The following THOC2 variants were observed in gnomAD, a reference collection of about 807,000 sequenced individuals.
THOC2 encodes THO complex 2.
A neutral mutation model predicts 128.4 loss-of-function variants in THOC2; 10 were observed. That is an observed-to-expected ratio of 0.08 (90% CI 0.05 to 0.13). The LOEUF is 0.13. Ranked by LOEUF, THOC2 falls within the 10% of genes least tolerant of loss-of-function variation. The probability of loss-of-function intolerance (pLI) is 1.00; values close to 1 mark genes in which losing one functional copy is unlikely to be tolerated. For missense variants in THOC2, 535 were observed against 1,155.7 expected, an observed-to-expected ratio of 0.46 and a Z score of 7.79; for synonymous variants, 393 against 396.9, an observed-to-expected ratio of 0.99 and a Z score of 0.12.
intron 19 of THOC2, among the ~76,000 whole-genome samples, chrX:123,635,337 A>G (rs767466824): frequency 7.1e-5 from 8 of 111,946 alleles, no homozygotes; most frequent in Non-Finnish European, 1.5e-4. Context: ...ATAAAATCAT[A>G]AGTTTAAAGT....
intron 27 of THOC2, 26 bp from the exon 28 acceptor site, chrX:123,623,997 T>C: frequency 8.4e-7 from 1 of 1,184,151 alleles, no homozygotes; most frequent in Non-Finnish European, 1.1e-6. Flanking sequence ...TCAGATCCAT[T>C]ATTATAAAAG....
chrX:123,687,846 T>C (rs1173624705), intron 7 of THOC2, among the ~76,000 whole-genome samples: 3 of 111,881 alleles, frequency 2.7e-5, no homozygotes, highest in East Asian at 2.8e-4. Flanking sequence ...GCAGTGATCA[T>C]GTCTTACTCA....
At chrX:123,703,430 G>C in intron 4 of THOC2, 24 bp downstream of exon 4, 1 of 1,052,649 alleles carries the variant, frequency 9.5e-7, no homozygotes, top group Non-Finnish European at 1.3e-6. Context: ...CACATTACAG[G>C]TGAAATAAAG....
intron 15 of THOC2, among the ~76,000 whole-genome samples, chrX:123,642,039 T>C (rs1472801988): frequency 8.9e-6 from 1 of 112,414 alleles, no homozygotes; most frequent in Non-Finnish European, 1.9e-5. Context: ...ATTCATTCAT[T>C]CATATTAATG....
chrX:123,635,999 C>T (rs941316145), intron 19 of THOC2, 80 bp downstream of exon 19: 6 of 720,586 alleles, frequency 8.3e-6, no homozygotes, highest in South Asian at 3.1e-5. Context: ...AGTAGTCTTT[C>T]GGGATAACAG....
chrX:123,625,876 T>A (rs768271639), intron 25 of THOC2, 36 bp downstream of exon 25: 2 of 1,172,641 alleles, frequency 1.7e-6, no homozygotes, highest in South Asian at 3.7e-5. Context: ...GCTATCTTTG[T>A]GTGAGAACTT....
chrX:123,679,420 C>CAATA (rs1466873090), intron 8 of THOC2, among the ~76,000 whole-genome samples: 2 of 111,183 alleles, frequency 1.8e-5, no homozygotes, highest in African/African-American at 6.6e-5. Flanking sequence ...CCTCATCTAC[C>CAATA]TTATTTGCTG....
In THOC2 at chrX:123,610,922, A is replaced by G. The variant is rs1329651471; in HGVS notation, c.*14T>C. On this transcript the variant is annotated 3_prime_UTR_variant, in exon 38 of 39. Coordinates refer to ENST00000245838, the MANE Select transcript of THOC2 (RefSeq NM_001081550.2). ...AGGTGGTGAGAGAACACTCACCTTG[A>G]TGGAAAGTCTTCATTATCTGTGCTT... is the stretch of plus-strand genomic sequence containing the variant. 1 of 1,205,763 alleles carries G rather than the reference A, an allele frequency of 8.3e-7. No individual in the cohort carries two copies. The highest frequency in any genetic ancestry group is 1.7e-5 in the African/African-American group (1 of 57,658).
intron 4 of THOC2, among the ~76,000 whole-genome samples, chrX:123,699,170 A>T (rs2050584531): frequency 8.9e-6 from 1 of 112,138 alleles, no homozygotes. Context: ...CAGTCAACTC[A>T]TAATTTAGAA....
At chrX:123,622,437 T>C (rs747036157) in intron 30 of THOC2, among the ~76,000 whole-genome samples, 1 of 112,217 alleles carries the variant, frequency 8.9e-6, no homozygotes, top group South Asian at 3.7e-4. Flanking sequence ...CAAAACATAA[T>C]TAGGATGTAA....
At chrX:123,727,277 A>C (rs1255313110) in intron 1 of THOC2, among the ~76,000 whole-genome samples, 2 of 111,751 alleles carry the variant, frequency 1.8e-5, no homozygotes, top group East Asian at 5.6e-4. Flanking sequence ...TAGTTATAAC[A>C]AGAAACTAAA....
intron 20 of THOC2, among the ~76,000 whole-genome samples, chrX:123,633,391 T>TTTTA (rs776133203): frequency 2.7e-4 from 30 of 111,507 alleles, no homozygotes; most frequent in East Asian, 5.6e-4. Flanking sequence ...TTGGTGATTA[T>TTTTA]TTTATTTATT....
intron 1 of THOC2, among the ~76,000 whole-genome samples, chrX:123,713,411 G>C (rs16296): frequency 0.16 from 16,387 of 105,665 alleles, 1,233 homozygotes; most frequent in Middle Eastern, 0.36. Context: ...GGAGGCAGAG[G>C]TTGCAGTGAG....
At chrX:123,625,840 T>G in intron 25 of THOC2, 72 bp downstream of exon 25, 4 of 1,058,368 alleles carry the variant, frequency 3.8e-6, no homozygotes, top group Non-Finnish European at 5.2e-6. Context: ...AAACACACAA[T>G]AATACCTCTA....
intron 2 of THOC2, among the ~76,000 whole-genome samples, chrX:123,707,177 C>G (rs1026388522): frequency 2.7e-5 from 3 of 111,582 alleles, no homozygotes; most frequent in Non-Finnish European, 5.7e-5. Flanking sequence ...TTGAACATTC[C>G]TTTCCAGTTT....
intron 8 of THOC2, among the ~76,000 whole-genome samples, chrX:123,684,036 T>C (rs1430152628): frequency 9.0e-6 from 1 of 110,591 alleles, no homozygotes; most frequent in Non-Finnish European, 1.9e-5. Flanking sequence ...AAAATGGTCG[T>C]TGTCTACAAA....
At chrX:123,632,644 T>G (rs774510739) in intron 21 of THOC2, among the ~76,000 whole-genome samples, 2 of 111,465 alleles carry the variant, frequency 1.8e-5, no homozygotes, top group Non-Finnish European at 3.8e-5. Flanking sequence ...ATGTAATATT[T>G]AATTAATTGA....
chrX:123,696,623 C>T (rs917925493), intron 6 of THOC2, 98 bp downstream of exon 6: 2 of 885,086 alleles, frequency 2.3e-6, no homozygotes, highest in African/African-American at 4.2e-5. Context: ...ACAAAAAAAA[C>T]AATCTTCAAA....
chrX:123,627,673 C>A lies in THOC2; in HGVS notation c.2757+20G>T, dbSNP rs776016692. 8.3e-7 allele frequency: 1 copy of A among 1,204,094 alleles called. No homozygotes were observed. The highest frequency in any genetic ancestry group is 1.1e-6 in the Non-Finnish European group (1 of 889,683). ...ATACCATAAAGTTATTGCACTTGAA[C>A]TACTAGAACAAAAACCTACCATTTC... On this transcript the variant is annotated intron_variant, in intron 23 of 38. Coordinates refer to ENST00000245838, the MANE Select transcript of THOC2 (RefSeq NM_001081550.2).
Sources: allele counts gnomAD v4.1 joint callset (sites outside exome capture counted in the v4.1 genomes callset), GRCh38; gene constraint gnomAD v4.1.1; transcripts MANE v1.5; gene names NCBI Gene and HGNC (gene_info 2026-07-23, HGNC 2026-07-21).